VCAN: variants seen among roughly 807,000 people sequenced by gnomAD.
VCAN encodes the protein versican.
In VCAN, 44 loss-of-function variants were observed where a neutral mutation model predicts 245.5. The observed-to-expected ratio is 0.18, with a 90% CI of 0.14 to 0.23. VCAN has a LOEUF of 0.23. Ranked by LOEUF, VCAN falls within the 10% of genes least tolerant of loss-of-function variation. The pLI, the probability that VCAN is intolerant of heterozygous loss-of-function variation, is 1.00. For synonymous variants in VCAN, 1,413 were observed against 1,437.0 expected (o/e 0.98, Z 0.38); for missense variants, 3,793 against 4,057.9 (o/e 0.93, Z 1.77).
chr5:83,473,500 C>G (rs1158709106), intron 1 of VCAN, among the ~76,000 whole-genome samples: 3 of 152,224 alleles, frequency 2.0e-5, no homozygotes, highest in Middle Eastern at 3.4e-3. Context: ...CCTCCCTTCC[C>G]CTCTCCCAGC....
At chr5:83,535,597 A>G (rs1023464873) in intron 7 of VCAN, 1 of 152,090 alleles carries the variant, frequency 6.6e-6, no homozygotes, top group African/African-American at 2.4e-5. Flanking sequence ...TTCCTCTTCA[A>G]TAGGGTTTTT....
In VCAN at chr5:83,551,046, G is replaced by T. The variant is rs1413586304; in HGVS notation, c.9494-2318G>T. ...CAAATAAATGCATTTTCCCAGTTTG[G>T]TTTTAACAGAAACCCCGCCTCTATT... On this transcript the variant is annotated intron_variant, in intron 10 of 14. Transcript: ENST00000265077. 1.5e-4 allele frequency among the ~76,000 whole-genome samples: 22 copies of T among 151,488 alleles called. 1 individual carries two copies. The East Asian group carries it at 4.1e-3, about 28-fold the overall frequency.
chr5:83,517,435 T>C (rs1245309820), intron 6 of VCAN, among the ~76,000 whole-genome samples: 1 of 152,178 alleles, frequency 6.6e-6, no homozygotes, highest in Non-Finnish European at 1.5e-5. Context: ...TTTTCTCTAA[T>C]ATGCTGTTTG....
chr5:83,522,845 T>A lies in VCAN; in HGVS notation c.4003+536T>A, dbSNP rs1580631093. Among the ~76,000 whole-genome samples the A allele has an allele frequency of 3.3e-5, 5 of 152,326 alleles. 1 individual carries two copies. The highest frequency in any genetic ancestry group is 3.3e-4 in the Admixed American group (5 of 15,298). On this transcript the variant is annotated intron_variant, in intron 7 of 14. Coordinates refer to ENST00000265077, the MANE Select transcript of VCAN (RefSeq NM_004385.5). ...TAATAGGTCTCTAATGTAAGTGTTA[T>A]TTTAATGTAAATGCAACATATTCTT...
In VCAN at chr5:83,520,974, G is replaced by C; in HGVS notation, c.2668G>C (p.Gly890Arg). Residue 890 changes from glycine (G) to arginine (R), a missense_variant, in exon 7 of 15, where the codon GGT becomes CGT. This residue lies in a region of VCAN where 3,182 missense variants were observed against 3,250.3 expected (regional missense o/e 0.98). Coordinates refer to ENST00000265077, the MANE Select transcript of VCAN (RefSeq NM_004385.5). ...TAGATTTCAGCCAACTACATCAACT[G>C]GTATTGCAGAAAAGTCAACTTTGAG... ...TIRFQPTTST[G>R]IAEKSTLRDS... is the part of the protein sequence containing the mutation. The C allele has an allele frequency of 6.2e-7, 1 of 1,614,038 alleles. No homozygotes were observed.
intron 1 of VCAN, among the ~76,000 whole-genome samples, chr5:83,476,005 G>C (rs914860144): frequency 6.6e-6 from 1 of 152,196 alleles, no homozygotes; most frequent in African/African-American, 2.4e-5. Context: ...ACTGGAGGGA[G>C]ATGCCTTTGA....
chr5:83,566,582 T>A (rs1473792256), intron 12 of VCAN, among the ~76,000 whole-genome samples: 2 of 152,134 alleles, frequency 1.3e-5, no homozygotes, highest in Non-Finnish European at 2.9e-5. Context: ...CCCACCATCA[T>A]CTTTTTTTTT....
intron 2 of VCAN, 110 bp from the exon 3 acceptor site, chr5:83,489,988 G>T (rs1744920047): frequency 9.1e-7 from 1 of 1,102,494 alleles, no homozygotes; most frequent in Admixed American, 2.1e-5. Context: ...TATGTCACAT[G>T]TTGAAGATGT....
chr5:83,564,665 G>A (rs1305687096), intron 12 of VCAN, among the ~76,000 whole-genome samples: 1 of 148,252 alleles, frequency 6.7e-6, no homozygotes, highest in Non-Finnish European at 1.5e-5. Context: ...GAGGGCTTTT[G>A]CAGGGTTTTT....
intron 11 of VCAN, 140 bp downstream of exon 11, chr5:83,553,662 A>G: frequency 8.4e-7 from 1 of 1,192,764 alleles, no homozygotes; most frequent in Non-Finnish European, 1.2e-6. Flanking sequence ...ATTACTTAAA[A>G]TCATCTCACC....
chr5:83,540,968 G>T lies in VCAN; in HGVS notation c.7965G>T (p.Met2655Ile), dbSNP rs746523135. ...CTCAGGCAACACATGATGAATCAAT[G>T]ACTTATGAAGATAGAAGCCAACTAG... ...SYTQATHDES[M>I]TYEDRSQLDH... Residue 2655 changes from methionine (M) to isoleucine (I), a missense_variant, in exon 8 of 15, where the codon ATG becomes ATT. Met to Ile is a conservative substitution (Grantham distance 10). Around this residue, in one of 5 missense-constraint regions of VCAN, gnomAD observed 3,182 missense variants for 3,250.3 expected, o/e 0.98. Transcript: ENST00000265077. 64 of 1,613,930 alleles carry T rather than the reference G, an allele frequency of 4.0e-5. No individual in the cohort carries two copies. Among genetic ancestry groups the T allele is most frequent in the South Asian group, 2.5e-4 (23 of 91,062 alleles).
intron 7 of VCAN, among the ~76,000 whole-genome samples, chr5:83,533,303 A>G (rs901203604): frequency 1.3e-4 from 20 of 152,180 alleles, no homozygotes; most frequent in African/African-American, 4.8e-4. Flanking sequence ...TCTAAATTTA[A>G]TGATTAGTAC....
intron 12 of VCAN, among the ~76,000 whole-genome samples, chr5:83,562,485 TG>T (rs1259835587): frequency 9.2e-5 from 14 of 152,172 alleles, no homozygotes; most frequent in Non-Finnish European, 1.5e-4. Flanking sequence ...TACTCACTAC[TG>T]GAAAATCATT....
chr5:83,537,264 C>A lies in VCAN; in HGVS notation c.4261C>A (p.Pro1421Thr). ...INGKHLVTTV[P>T]KDPEAAEARR... is the part of the protein sequence containing the mutation. ...TGGGAAGCATCTCGTTACCACTGTG[C>A]CCAAGGACCCAGAAGCTGCAGAAGC... The change falls in exon 8 of 15, where the codon CCC (proline) becomes ACC (threonine). Residue 1421 changes from proline (P) to threonine (T), a missense_variant. Coordinates refer to ENST00000265077, the MANE Select transcript of VCAN (RefSeq NM_004385.5). 1 of 1,613,882 alleles carries A rather than the reference C, an allele frequency of 6.2e-7. No homozygotes were observed. The highest frequency in any genetic ancestry group is 8.5e-7 in the Non-Finnish European group (1 of 1,179,946).
At chr5:83,519,260 C>T in intron 6 of VCAN, 89 bp from the exon 7 acceptor site, 1 of 1,405,464 alleles carries the variant, frequency 7.1e-7, no homozygotes, top group Middle Eastern at 2.1e-4. Flanking sequence ...ATACTCCCTA[C>T]AAAATACTCA....
At chr5:83,511,513 T>C (rs1323271080) in intron 5 of VCAN, among the ~76,000 whole-genome samples, 5 of 151,960 alleles carry the variant, frequency 3.3e-5, no homozygotes, top group Admixed American at 1.3e-4. Context: ...AGGCAGGAAG[T>C]AGAATTCTGT....
At position 83,524,168 on chromosome 5, in the gene VCAN, T is replaced by C. The variant is rs138661862; in HGVS notation, c.4003+1859T>C. ...TTGATCTCTCTGAAAGAATTGGCAG[T>C]CATCAAAAAAAAAGAACTAAGTTAT... On this transcript the variant is annotated intron_variant, in intron 7 of 14. Coordinates refer to ENST00000265077, the MANE Select transcript of VCAN (RefSeq NM_004385.5). Among the ~76,000 whole-genome samples the C allele has an allele frequency of 7.2e-3, 1,099 of 152,084 alleles. 17 individuals carry two copies. Among genetic ancestry groups the C allele is most frequent in the African/African-American group, 0.026 (1,063 of 41,516 alleles).
At position 83,580,543 on chromosome 5, in the gene VCAN, C is replaced by A; in HGVS notation, c.*109C>A. 1 of 1,527,984 alleles carries A rather than the reference C, an allele frequency of 6.5e-7. No homozygotes were observed. The allele number at this position is 1,527,984 out of a possible 1,614,324, so 94.7% of individuals were successfully genotyped here. Reference sequence around the variant, plus strand: ...TTATCAGTTGGTTTGGATTTTTGGACCACCGTTCAGTCATTTTGGGTTGCC... The same window carrying A: ...TTATCAGTTGGTTTGGATTTTTGGAACACCGTTCAGTCATTTTGGGTTGCC... On this transcript the variant is annotated 3_prime_UTR_variant, in exon 15 of 15. Transcript: ENST00000265077.
At chr5:83,554,063 T>A (rs888723978) in intron 11 of VCAN, among the ~76,000 whole-genome samples, 1 of 152,234 alleles carries the variant, frequency 6.6e-6, no homozygotes, top group Non-Finnish European at 1.5e-5. Context: ...AGGTGGAGAT[T>A]GAAAGCTAAT....
Sources: allele counts gnomAD v4.1 joint callset (sites outside exome capture counted in the v4.1 genomes callset), GRCh38; gene constraint gnomAD v4.1.1; regional missense constraint gnomAD v4.1.1; transcripts MANE v1.5; gene names NCBI Gene and HGNC (gene_info 2026-07-23, HGNC 2026-07-21).